The following PROS1 variants were observed in gnomAD, a reference collection of about 807,000 sequenced individuals.
PROS1 encodes the protein protein S, also known as vitamin K-dependent protein S.
A neutral mutation model predicts 75.9 loss-of-function variants in PROS1; 29 were observed. The observed-to-expected ratio is 0.38, with a 90% confidence interval of 0.28 to 0.52. PROS1 has a LOEUF of 0.52. Ranked by LOEUF, PROS1 falls within the 20% of genes least tolerant of loss-of-function variation. The pLI, the probability that PROS1 is intolerant of heterozygous loss-of-function variation, is 0.83. For synonymous variants in PROS1, 245 were observed against 280.6 expected, an observed-to-expected ratio of 0.87 and a Z score of 1.27; for missense variants, 680 against 810.3, an observed-to-expected ratio of 0.84 and a Z score of 1.95.
chr3:93,915,909 T>C (rs1708838920), intron 3 of PROS1, among the ~76,000 whole-genome samples: 1 of 152,188 alleles, frequency 6.6e-6, no homozygotes, highest in Admixed American at 6.5e-5. Flanking sequence ...CTTCCATATT[T>C]TCAGGTATTT....
At chr3:93,888,277 G>A (rs1398812982) in intron 10 of PROS1, among the ~76,000 whole-genome samples, 1 of 152,108 alleles carries the variant, frequency 6.6e-6, no homozygotes, top group African/African-American at 2.4e-5. Context: ...TACTTGAGTT[G>A]CTAATTTAAC....
intron 6 of PROS1, among the ~76,000 whole-genome samples, chr3:93,905,436 A>G (rs1287148535): frequency 6.6e-6 from 1 of 152,110 alleles, no homozygotes; most frequent in Non-Finnish European, 1.5e-5. Flanking sequence ...CCCCATCTCT[A>G]CAAAAAATAC....
At chr3:93,936,273 G>A (rs1383648521) in intron 1 of PROS1, among the ~76,000 whole-genome samples, 1 of 152,108 alleles carries the variant, frequency 6.6e-6, no homozygotes, top group Non-Finnish European at 1.5e-5. Flanking sequence ...AGGGGGAAGA[G>A]AGGGAAAAGA....
At chr3:93,916,610 T>A (rs544983107) in intron 3 of PROS1, among the ~76,000 whole-genome samples, 44 of 152,164 alleles carry the variant, frequency 2.9e-4, no homozygotes, top group African/African-American at 1.0e-3. Flanking sequence ...TAGTAAAAAT[T>A]GAGGAGGGTA....
chr3:93,906,214 AT>A, intron 4 of PROS1, 71 bp from the exon 5 acceptor site: 1 of 1,538,474 alleles, frequency 6.5e-7, no homozygotes. Flanking sequence ...GTGTACTATA[AT>A]AAAAATCCTG....
chr3:93,944,344 G>T (rs566771306), intron 1 of PROS1, among the ~76,000 whole-genome samples: 11 of 152,158 alleles, frequency 7.2e-5, no homozygotes, highest in African/African-American at 2.4e-4. Flanking sequence ...AAACTGACTT[G>T]AGAAAAATCA....
intron 1 of PROS1, among the ~76,000 whole-genome samples, chr3:93,957,925 A>T (rs1041481658): frequency 6.6e-6 from 1 of 151,862 alleles, no homozygotes; most frequent in Admixed American, 6.6e-5. Flanking sequence ...CCTGTCTCTA[A>T]AAAAATACAG....
At chr3:93,880,392 C>T (rs1316197793) in intron 12 of PROS1, among the ~76,000 whole-genome samples, 2 of 151,810 alleles carry the variant, frequency 1.3e-5, no homozygotes, top group African/African-American at 2.4e-5. Flanking sequence ...GTCCCAGCTA[C>T]AACTCGGGAG....
At chr3:93,886,301 C>T (rs779838684) in intron 11 of PROS1, 35 bp downstream of exon 11, 2 of 1,593,482 alleles carry the variant, frequency 1.3e-6, no homozygotes, top group South Asian at 2.2e-5. Context: ...AAAAGGAACT[C>T]ATCCATGATG....
intron 1 of PROS1, among the ~76,000 whole-genome samples, chr3:93,963,572 A>T (rs546089146): frequency 5.2e-4 from 79 of 152,354 alleles, no homozygotes; most frequent in African/African-American, 1.9e-3. Flanking sequence ...TAGGATCACC[A>T]TTCTGCAGGC....
At position 93,927,875 on chromosome 3, in the gene PROS1, G is replaced by A. The variant is rs1421113374; in HGVS notation, c.77-468C>T. ...CATATATATATATATATATATATAT[G>A]TGTGTATGTGTATATATATATATAT... On this transcript the variant is annotated intron_variant, in intron 1 of 14. Coordinates refer to ENST00000394236, the MANE Select transcript of PROS1 (RefSeq NM_000313.4). 1.5e-3 allele frequency among the ~76,000 whole-genome samples: 160 copies of A among 107,898 alleles called. 1 individual carries two copies. Among genetic ancestry groups the A allele is most frequent in the East Asian group, 2.6e-3 (8 of 3,092 alleles). 70.8% of individuals were successfully genotyped at this position (107,898 alleles called of 152,430 possible). A position where few individuals can be genotyped will look rare whatever the true frequency, so the allele number is the denominator to read the frequency against.
chr3:93,952,319 T>A (rs548314822), intron 1 of PROS1, among the ~76,000 whole-genome samples: 3 of 152,154 alleles, frequency 2.0e-5, no homozygotes, highest in African/African-American at 7.2e-5. Context: ...ATTGACCACA[T>A]AGTTGGAAGA....
At position 93,913,679 on chromosome 3, in the gene PROS1, T is replaced by A. The variant is rs986930667; in HGVS notation, c.260-2974A>T. On this transcript the variant is annotated intron_variant, in intron 3 of 14. Coordinates refer to ENST00000394236, the MANE Select transcript of PROS1 (RefSeq NM_000313.4). ...AAGTCAATTAAACCTCTTTTCTTTATAAATTATCCAGTCTTGGGTATGTCT... is the reference window on the plus strand; with the variant it reads ...AAGTCAATTAAACCTCTTTTCTTTAAAAATTATCCAGTCTTGGGTATGTCT... 6.4e-4 allele frequency among the ~76,000 whole-genome samples: 97 copies of A among 152,322 alleles called. 1 individual carries two copies. Among genetic ancestry groups the A allele is most frequent in the African/African-American group, 2.3e-3 (95 of 41,574 alleles).
chr3:93,932,543 AT>A (rs1271188860), intron 1 of PROS1, among the ~76,000 whole-genome samples: 2 of 152,164 alleles, frequency 1.3e-5, no homozygotes, highest in Non-Finnish European at 2.9e-5. Flanking sequence ...AGTCAACTTG[AT>A]TTTTTTAACT....
intron 1 of PROS1, among the ~76,000 whole-genome samples, chr3:93,954,343 A>T (rs1393404328): frequency 2.0e-5 from 3 of 152,200 alleles, no homozygotes; most frequent in Admixed American, 6.6e-5. Context: ...AGGCTACAGT[A>T]ACCAAAACAG....
chr3:93,956,537 CACACACACACACACACACACACACAA>C lies in PROS1; in HGVS notation c.76+17111_76+17136del, dbSNP rs1287175189. On this transcript the variant is annotated intron_variant, in intron 1 of 14. Transcript: ENST00000394236. ...GTCTCTCTCTCTCTCTCTCTCTACA[CACACACACACACACACACACACACAA>C]ACACACACACACACACACACACACA... Among the ~76,000 whole-genome samples, 417 of 60,746 alleles carry C rather than the reference CACACACACACACACACACACACACAA, an allele frequency of 6.9e-3. 1 individual carries two copies. Among genetic ancestry groups the C allele is most frequent in the Admixed American group, 0.011 (46 of 4,010 alleles). The allele number at this position is 60,746 out of a possible 152,430, so 39.9% of individuals were successfully genotyped here. A position where few individuals can be genotyped will look rare whatever the true frequency, so the allele number is the denominator to read the frequency against.
chr3:93,877,629 T>C, intron 13 of PROS1, among the ~76,000 whole-genome samples: 1 of 152,178 alleles, frequency 6.6e-6, no homozygotes, highest in Non-Finnish European at 1.5e-5. Context: ...GGTTTCTTTG[T>C]GCCACACAAG....
In PROS1 at chr3:93,893,894, A is replaced by G. The variant is rs1439342438; in HGVS notation, c.966-772T>C. On this transcript the variant is annotated intron_variant, in intron 9 of 14. Coordinates refer to ENST00000394236, the MANE Select transcript of PROS1 (RefSeq NM_000313.4). Reference sequence around the variant, plus strand: ...ACATCTGTTGCTATTAAGACTCTAGACATATATGTAGCTATTACAGGGGAG... The same window carrying G: ...ACATCTGTTGCTATTAAGACTCTAGGCATATATGTAGCTATTACAGGGGAG... Among the ~76,000 whole-genome samples, 5 of 152,280 alleles carry G rather than the reference A, an allele frequency of 3.3e-5. No homozygotes were observed. The South Asian group carries it at 1.0e-3, about 32-fold the overall frequency.
intron 12 of PROS1, 115 bp from the exon 13 acceptor site, chr3:93,879,429 C>A: frequency 7.3e-7 from 1 of 1,376,586 alleles, no homozygotes; most frequent in Non-Finnish European, 1.0e-6. Flanking sequence ...AATACTATTT[C>A]CATTCCCTTT....
Sources: gnomAD v4.1 joint callset for allele counts (sites outside exome capture counted in the v4.1 genomes callset) on GRCh38, gnomAD v4.1.1 for gene constraint, MANE v1.5 for transcripts, NCBI Gene and HGNC (gene_info 2026-07-23, HGNC 2026-07-21) for gene names.